The following CD93 variants were observed in gnomAD, a reference collection of about 807,000 sequenced individuals.
CD93 encodes complement component C1q receptor.
Under a neutral mutation model 45.5 loss-of-function variants are expected in CD93, and 44 were observed. The ratio of observed to expected loss-of-function variants is 0.97; its 90% CI spans 0.76 to 1.24. CD93 has a LOEUF of 1.24. Among genes scored for constraint, CD93 ranks in the 50% most tolerant of loss-of-function variants. The pLI, the probability that CD93 is intolerant of heterozygous loss-of-function variation, is 0.00. For synonymous variants in CD93, 431 were observed against 370.8 expected (o/e 1.16, Z -1.87); for missense variants, 918 against 844.5 (o/e 1.09, Z -1.08).
rs754442365 is a variant in CD93 at position 23,084,759 on chromosome 20, A to T, written c.1434T>A (p.Ser478=). The change falls in exon 1 of 2, where the codon TCT becomes TCA. Residue 478 remains serine (S), a synonymous_variant. Transcript: ENST00000246006. ...CTTTGTCCTCCTCATCGGGGGGCCC[A>T]GATGGTGGTCCCAGAGACACAGGCC... ...TMGPVSLGPP[S]GPPDEEDKGE... The T allele has an allele frequency of 6.2e-7, 1 of 1,611,328 alleles. No individual in the cohort carries two copies. Among genetic ancestry groups the T allele is most frequent in the Non-Finnish European group, 8.5e-7 (1 of 1,179,240 alleles).
Position 23,085,910 on chromosome 20 carries a change from T to G in CD93, c.283A>C (p.Ile95Leu). 1 of 1,425,412 alleles carries G rather than the reference T, an allele frequency of 7.0e-7. No individual in the cohort carries two copies. The highest frequency in any genetic ancestry group is 9.3e-7 in the Non-Finnish European group (1 of 1,070,710). The allele number at this position is 1,425,412 out of a possible 1,614,324, so 88.3% of individuals were successfully genotyped here. ...ALTARMSKFW[I>L]GLQREKGKCL... ...TTGCCCTTCTCTCGCTGGAGCCCAA[T>G]CCAGAACTTGCTCATCCTCGCCGTC... Residue 95 changes from isoleucine to leucine, a missense_variant, in exon 1 of 2, where the codon ATT becomes CTT. Transcript: ENST00000246006.
Position 23,083,980 on chromosome 20 carries a change from G to C in CD93, c.1935-6C>G. ...AGTCTGTCCCAGGTGTCGGACTATG[G>C]GAAACAAAACAGACAGCGTTGGAAG... On this transcript the variant is annotated splice_polypyrimidine_tract_variant and splice_region_variant and intron_variant, in intron 1 of 1. Transcript: ENST00000246006. 6.2e-7 allele frequency: 1 copy of C among 1,614,066 alleles called. No homozygotes were observed. The highest frequency in any genetic ancestry group is 8.5e-7 in the Non-Finnish European group (1 of 1,179,982).
At position 23,083,877 on chromosome 20, in the gene CD93, C is replaced by A. The variant is rs1240006971; in HGVS notation, c.*73G>T. ...AGTCTTTCAAAAAAATGTGGGTGCCCCTTTGGAATGGGGAGTTCAAAGCTC... is the reference window on the plus strand; with the variant it reads ...AGTCTTTCAAAAAAATGTGGGTGCCACTTTGGAATGGGGAGTTCAAAGCTC... On this transcript the variant is annotated 3_prime_UTR_variant, in exon 2 of 2. Transcript: ENST00000246006. The A allele has an allele frequency of 7.1e-7, 1 of 1,412,634 alleles. No individual in the cohort carries two copies. Among genetic ancestry groups the A allele is most frequent in the Non-Finnish European group, 1.0e-6 (1 of 995,802 alleles). The allele number at this position is 1,412,634 out of a possible 1,614,324, so 87.5% of individuals were successfully genotyped here.
chr20:23,082,533 C>CTGTGTGTGTG lies in CD93; in HGVS notation c.*1416_*1417insCACACACACA, dbSNP rs768359147. On this transcript the variant is annotated 3_prime_UTR_variant, in exon 2 of 2. Transcript: ENST00000246006. ...TGCCCCAGGCAGAATGGTGCCGTGTCTCTGTGTGTGTGTGTGTGTGTGTGT... is the reference window on the plus strand; with the variant it reads ...TGCCCCAGGCAGAATGGTGCCGTGTCTGTGTGTGTGTCTGTGTGTGTGTGTGTGTGTGTGT... The CTGTGTGTGTG allele has an allele frequency of 6.9e-6, 1 of 145,778 alleles. No individual in the cohort carries two copies. Among genetic ancestry groups the CTGTGTGTGTG allele is most frequent in the African/African-American group, 2.6e-5 (1 of 38,426 alleles). The allele number at this position is 145,778 out of a possible 1,614,324, so 9.0% of individuals were successfully genotyped here. A position where few individuals can be genotyped will look rare whatever the true frequency, so the allele number is the denominator to read the frequency against.
In CD93 at chr20:23,083,716, A is replaced by C. The variant is rs530468069; in HGVS notation, c.*234T>G. Reference sequence around the variant, plus strand: ...GGAGGGGGAGTAACAATCATTATAGAGTCACGAAATCCCCACCGTGGCACG... The same window carrying C: ...GGAGGGGGAGTAACAATCATTATAGCGTCACGAAATCCCCACCGTGGCACG... On this transcript the variant is annotated 3_prime_UTR_variant, in exon 2 of 2. Transcript: ENST00000246006. 1 of 592,438 alleles carries C rather than the reference A, an allele frequency of 1.7e-6. No individual in the cohort carries two copies. Among genetic ancestry groups the C allele is most frequent in the African/African-American group, 1.9e-5 (1 of 53,798 alleles). 36.7% of individuals were successfully genotyped at this position (592,438 alleles called of 1,614,324 possible). A position where few individuals can be genotyped will look rare whatever the true frequency, so the allele number is the denominator to read the frequency against.
chr20:23,085,604 C>A lies in CD93; in HGVS notation c.589G>T (p.Gly197Cys), dbSNP rs1464130699. The change falls in exon 1 of 2, where the codon GGT becomes TGT. Residue 197 changes from glycine to cysteine, a missense_variant. Coordinates refer to ENST00000246006, the MANE Select transcript of CD93 (RefSeq NM_012072.4). The stretch of plus-strand genomic sequence containing the variant: ...AAGGGGGTGGTGTAGGTCACCTGAC[C>A]TGGGCCCCCCAGGGCCAGAGGCCGG... Reference protein sequence around the residue: ...MCRPLALGGPGQVTYTTPFQT... With the variant: ...MCRPLALGGPCQVTYTTPFQT... The A allele has an allele frequency of 1.9e-6, 3 of 1,613,360 alleles. No individual in the cohort carries two copies. The highest frequency in any genetic ancestry group is 2.5e-6 in the Non-Finnish European group (3 of 1,179,960).
intron 1 of CD93, 117 bp from the exon 2 acceptor site, chr20:23,084,091 G>A (rs1010080718): frequency 2.5e-5 from 36 of 1,446,192 alleles, no homozygotes; most frequent in Non-Finnish European, 3.2e-5. Context: ...ATGCTCTAAG[G>A]GGGCCCGAGT....
rs1280868353 is a variant in CD93, at chr20:23,085,473, G to A, written c.720C>T (p.Cys240=). Residue 240 remains cysteine (C), a synonymous_variant, in exon 1 of 2, where the codon TGC becomes TGT. Transcript: ENST00000246006. ...KDETQSHYFL[C]KEKAPDVFDW... ...CGAACACATCGGGGGCCTTCTCCTT[G>A]CACAGGAAATAATGACTCTGAGTCT... 1.2e-6 allele frequency: 2 copies of A among 1,613,904 alleles called. No individual in the cohort carries two copies. Among genetic ancestry groups the A allele is most frequent in the Non-Finnish European group, 8.5e-7 (1 of 1,180,034 alleles).
In CD93 at chr20:23,083,653, AC is replaced by A; in HGVS notation, c.*296del. 1 of 502,622 alleles carries A rather than the reference AC, an allele frequency of 2.0e-6. No individual in the cohort carries two copies. The highest frequency in any genetic ancestry group is 1.9e-5 in the African/African-American group (1 of 52,012). The allele number at this position is 502,622 out of a possible 1,614,324, so 31.1% of individuals were successfully genotyped here. On this transcript the variant is annotated 3_prime_UTR_variant, in exon 2 of 2. Coordinates refer to ENST00000246006, the MANE Select transcript of CD93 (RefSeq NM_012072.4). ...AGCCCCTTAGCCCCGGCCTCCTCAC[AC>A]CCTGATCCGGAATTGGTCACATTGG...
In CD93 at chr20:23,085,658, C is replaced by T. The variant is rs1265873141; in HGVS notation, c.535G>A (p.Val179Met). The change falls in exon 1 of 2, where the codon GTG becomes ATG. Residue 179 changes from valine (V) to methionine (M), a missense_variant. Transcript: ENST00000246006. The part of the protein sequence containing the change: ...GSPGSNIEGF[V>M]CKFSFKGMCR... ...ATGCCTTTGAAGCTGAACTTGCACACGAAGCCCTCAATGTTACTTCCGGGG... is the reference window on the plus strand; with the variant it reads ...ATGCCTTTGAAGCTGAACTTGCACATGAAGCCCTCAATGTTACTTCCGGGG... The T allele has an allele frequency of 1.2e-6, 2 of 1,611,466 alleles. No homozygotes were observed. Among genetic ancestry groups the T allele is most frequent in the African/African-American group, 1.3e-5 (1 of 74,902 alleles).
rs922115698 is a variant in CD93, at chr20:23,081,746, A to G, written c.*2204T>C. ...GACGATGGGCCTGGGCTGTGAGAGC[A>G]ATCAGAACACTGTGAAAATAGGAGG... On this transcript the variant is annotated 3_prime_UTR_variant, in exon 2 of 2. Coordinates refer to ENST00000246006, the MANE Select transcript of CD93 (RefSeq NM_012072.4). The G allele has an allele frequency of 1.3e-5, 2 of 152,272 alleles. No homozygotes were observed. The highest frequency in any genetic ancestry group is 4.8e-5 in the African/African-American group (2 of 41,442). The allele number at this position is 152,272 out of a possible 1,614,324, so 9.4% of individuals were successfully genotyped here. A position where few individuals can be genotyped will look rare whatever the true frequency, so the allele number is the denominator to read the frequency against.
rs770184483 is a variant in CD93, at chr20:23,083,781, T to C, written c.*169A>G. The C allele has an allele frequency of 5.9e-6, 4 of 677,824 alleles. No individual in the cohort carries two copies. The highest frequency in any genetic ancestry group is 1.1e-5 in the Non-Finnish European group (4 of 371,244). 42.0% of individuals were successfully genotyped at this position (677,824 alleles called of 1,614,324 possible). Reference sequence around the variant, plus strand: ...CCACTTCAGGAACATCAAACACCCGTAGAAAATACCTGCATGTTCCAAGGG... The same window carrying C: ...CCACTTCAGGAACATCAAACACCCGCAGAAAATACCTGCATGTTCCAAGGG... On this transcript the variant is annotated 3_prime_UTR_variant, in exon 2 of 2. Transcript: ENST00000246006.
In CD93 at chr20:23,081,336, G is replaced by A. The variant is rs1181648373; in HGVS notation, c.*2614C>T. 1.3e-5 allele frequency: 2 copies of A among 152,192 alleles called. No individual in the cohort carries two copies. The highest frequency in any genetic ancestry group is 2.9e-5 in the Non-Finnish European group (2 of 68,084). The allele number at this position is 152,192 out of a possible 1,614,324, so 9.4% of individuals were successfully genotyped here. A position where few individuals can be genotyped will look rare whatever the true frequency, so the allele number is the denominator to read the frequency against. On this transcript the variant is annotated 3_prime_UTR_variant, in exon 2 of 2. Coordinates refer to ENST00000246006, the MANE Select transcript of CD93 (RefSeq NM_012072.4). ...ACTGTGCCACGCCCGAGCAAGCTGGGGCCCCTCAGGACAAGGACGATTTGT... is the reference window on the plus strand; with the variant it reads ...ACTGTGCCACGCCCGAGCAAGCTGGAGCCCCTCAGGACAAGGACGATTTGT...
At position 23,080,418 on chromosome 20, in the gene CD93, T is replaced by G. The variant is rs1216443805; in HGVS notation, c.*3532A>C. 6.6e-6 allele frequency: 1 copy of G among 152,400 alleles called. No homozygotes were observed. Among genetic ancestry groups the G allele is most frequent in the African/African-American group, 2.4e-5 (1 of 41,454 alleles). 9.4% of individuals were successfully genotyped at this position (152,400 alleles called of 1,614,324 possible). A position where few individuals can be genotyped will look rare whatever the true frequency, so the allele number is the denominator to read the frequency against. On this transcript the variant is annotated 3_prime_UTR_variant, in exon 2 of 2. Coordinates refer to ENST00000246006, the MANE Select transcript of CD93 (RefSeq NM_012072.4). ...ATGAGGATGGAAAAGACAAAGCAAC[T>G]TGAAGAGAAAAAAAAATTCTTTTAA...
Position 23,085,028 on chromosome 20 carries a change from A to G in CD93, c.1165T>C (p.Cys389Arg). The G allele has an allele frequency of 6.2e-7, 1 of 1,613,832 alleles. No homozygotes were observed. The highest frequency in any genetic ancestry group is 8.5e-7 in the Non-Finnish European group (1 of 1,179,936). Residue 389 changes from cysteine to arginine, a missense_variant, in exon 1 of 2, where the codon TGT becomes CGT. Transcript: ENST00000246006. ...GEGACQDVDE[C>R]ALGRSPCAQG... ...GCGCAAGGCGAGCGACCCAGAGCAC[A>G]CTCATCCACATCCTGACAGGCCCCC...
rs200068257 is a variant in CD93, at chr20:23,085,797, G to T, written c.396C>A (p.Leu132=). The change falls in exon 1 of 2, where the codon CTC becomes CTA. Residue 132 remains leucine, a synonymous_variant. Transcript: ENST00000246006. ...DTPYSNWHKE[L]RNSCISKRCV... ...AGCGCTTGGAGATGCACGAGTTCCG[G>T]AGCTCCTTGTGCCAGTTAGAGTAAG... The T allele has an allele frequency of 8.4e-5, 135 of 1,611,742 alleles. 1 individual carries two copies. The Admixed American group carries it at 2.2e-3, about 27-fold the overall frequency.
chr20:23,083,985 C>T lies in CD93; in HGVS notation c.1935-11G>A, dbSNP rs201081535. 6.2e-7 allele frequency: 1 copy of T among 1,614,064 alleles called. No individual in the cohort carries two copies. Among genetic ancestry groups the T allele is most frequent in the Non-Finnish European group, 8.5e-7 (1 of 1,179,980 alleles). Reference sequence around the variant, plus strand: ...GTCCCAGGTGTCGGACTATGGGAAACAAAACAGACAGCGTTGGAAGCCATG... The same window carrying T: ...GTCCCAGGTGTCGGACTATGGGAAATAAAACAGACAGCGTTGGAAGCCATG... On this transcript the variant is annotated splice_polypyrimidine_tract_variant and intron_variant, in intron 1 of 1. Transcript: ENST00000246006.
In CD93 at chr20:23,085,861, AGCG is replaced by A; in HGVS notation, c.329_331del (p.Pro110del). The A allele has an allele frequency of 2.1e-6, 3 of 1,454,318 alleles. No individual in the cohort carries two copies. The highest frequency in any genetic ancestry group is 2.8e-6 in the Non-Finnish European group (3 of 1,080,544). 90.1% of individuals were successfully genotyped at this position (1,454,318 alleles called of 1,614,324 possible). A position where few individuals can be genotyped will look rare whatever the true frequency, so the allele number is the denominator to read the frequency against. On this transcript the variant is annotated inframe_deletion, in exon 1 of 2. Coordinates refer to ENST00000246006, the MANE Select transcript of CD93 (RefSeq NM_012072.4). ...CCCGCCCACCCAGCTGAAGCCCTTC[AGCG>A]GCAGACTAGGGTCCAGGCACTTGCC...
Position 23,085,347 on chromosome 20 carries a change from G to A in CD93, c.846C>T (p.Ser282=). 1 of 1,614,072 alleles carries A rather than the reference G, an allele frequency of 6.2e-7. No homozygotes were observed. Among genetic ancestry groups the A allele is most frequent in the Non-Finnish European group, 8.5e-7 (1 of 1,180,022 alleles). The change falls in exon 1 of 2, where the codon TCC becomes TCT. Residue 282 remains serine (S), a synonymous_variant. Transcript: ENST00000246006. ...ATCCTGGTCGGCAGCCGCAGAGGAA[G>A]GAGCCATCCCCCCCTTCAAAGCAGT... The part of the protein sequence containing the change: ...HQDCFEGGDG[S]FLCGCRPGFR...
Sources: gnomAD v4.1 joint callset for allele counts on GRCh38, gnomAD v4.1.1 for gene constraint, MANE v1.5 for transcripts, NCBI Gene and HGNC (gene_info 2026-07-23, HGNC 2026-07-21) for gene names.